TMEM131: variants seen among roughly 807,000 people sequenced by gnomAD.
TMEM131 encodes transmembrane protein 131, also known as 2610524E03Rik.
Under a neutral mutation model 211.6 loss-of-function variants are expected in TMEM131, and 66 were observed. The ratio of observed to expected loss-of-function variants is 0.31; its 90% CI spans 0.26 to 0.38. The LOEUF (loss-of-function observed/expected upper bound fraction) is 0.38, where lower values mean the gene tolerates loss of function less well. TMEM131 is among the 10% of genes least tolerant of loss of function. The pLI is 1.00. For missense variants in TMEM131, 2,036 were observed against 2,299.3 expected (o/e 0.89, Z 2.34); for synonymous variants, 844 against 841.3 (o/e 1.00, Z -0.06).
rs561498432 is a variant in TMEM131 at position 97,828,650 on chromosome 2, G to A, written c.1074+4715C>T. On this transcript the variant is annotated intron_variant, in intron 11 of 40. Transcript: ENST00000186436. ...GCAGTGACTCTCCAAAACTGCTGAG[G>A]CCTAGACCTCCTCACTGCTGAGAAA... Among the ~76,000 whole-genome samples the A allele has an allele frequency of 2.0e-5, 3 of 152,334 alleles. No individual in the cohort carries two copies. In the East Asian group the frequency reaches 5.8e-4, roughly 29 times the overall value.
intron 1 of TMEM131, among the ~76,000 whole-genome samples, chr2:97,984,193 A>G (rs980702619): frequency 6.6e-6 from 1 of 152,182 alleles, no homozygotes; most frequent in Non-Finnish European, 1.5e-5. Context: ...AATTATACCA[A>G]TTACATAATA....
intron 1 of TMEM131, among the ~76,000 whole-genome samples, chr2:97,938,009 C>T (rs1329047434): frequency 1.3e-5 from 2 of 152,160 alleles, no homozygotes; most frequent in African/African-American, 4.8e-5. Context: ...GCCTGCCTTA[C>T]AAGAGCTCCT....
At chr2:97,787,348 C>T (rs755343970) in intron 31 of TMEM131, among the ~76,000 whole-genome samples, 39 of 152,328 alleles carry the variant, frequency 2.6e-4, no homozygotes, top group Middle Eastern at 3.4e-3. Flanking sequence ...AGGGAAGTTT[C>T]AATCACTAGC....
intron 33 of TMEM131, among the ~76,000 whole-genome samples, chr2:97,771,419 A>G (rs1384695696): frequency 6.6e-6 from 1 of 152,156 alleles, no homozygotes; most frequent in Non-Finnish European, 1.5e-5. Context: ...CTCAAGTATG[A>G]TTCCCAGGAT....
At chr2:97,757,501 CT>C in intron 40 of TMEM131, 118 bp from the exon 41 acceptor site, 2 of 1,161,018 alleles carry the variant, frequency 1.7e-6, no homozygotes, top group Non-Finnish European at 2.4e-6. Flanking sequence ...ACTTTGTTTA[CT>C]TTAGAACAAA....
intron 5 of TMEM131, among the ~76,000 whole-genome samples, chr2:97,852,222 C>T (rs1264088528): frequency 4.8e-5 from 7 of 145,610 alleles, no homozygotes; most frequent in Non-Finnish European, 5.9e-5. Context: ...AGTGCAATGG[C>T]GTGGTCTTGG....
chr2:97,851,845 T>C (rs1230239169), intron 5 of TMEM131, among the ~76,000 whole-genome samples: 1 of 152,208 alleles, frequency 6.6e-6, no homozygotes, highest in Non-Finnish European at 1.5e-5. Context: ...ACAATAATAT[T>C]ACAATTAGGC....
chr2:97,804,737 C>T (rs140303155), intron 22 of TMEM131, among the ~76,000 whole-genome samples: 36 of 152,056 alleles, frequency 2.4e-4, no homozygotes, highest in African/African-American at 7.7e-4. Flanking sequence ...GTTTCCCTTG[C>T]CTTTAACAGA....
intron 32 of TMEM131, among the ~76,000 whole-genome samples, chr2:97,773,376 C>CA (rs1418562323): frequency 6.6e-6 from 1 of 152,190 alleles, no homozygotes; most frequent in Non-Finnish European, 1.5e-5. Context: ...AGACACACGA[C>CA]AGACGCCAGC....
intron 1 of TMEM131, among the ~76,000 whole-genome samples, chr2:97,941,617 C>T (rs867704300): frequency 6.6e-6 from 1 of 152,072 alleles, no homozygotes; most frequent in African/African-American, 2.4e-5. Context: ...AGAACTTAAA[C>T]GAATTTACAA....
chr2:97,794,555 T>C (rs988801307), intron 29 of TMEM131, among the ~76,000 whole-genome samples: 34 of 152,308 alleles, frequency 2.2e-4, no homozygotes, highest in East Asian at 7.7e-4. Context: ...AAGTAATATA[T>C]TGAGAACAGA....
At chr2:97,934,874 T>C (rs1677376592) in intron 1 of TMEM131, among the ~76,000 whole-genome samples, 1 of 152,084 alleles carries the variant, frequency 6.6e-6, no homozygotes, top group Non-Finnish European at 1.5e-5. Context: ...TAACTCAAAA[T>C]ACATCACTGC....
At chr2:97,922,112 C>T (rs1559449319) in intron 2 of TMEM131, among the ~76,000 whole-genome samples, 1 of 152,138 alleles carries the variant, frequency 6.6e-6, no homozygotes, top group Non-Finnish European at 1.5e-5. Context: ...TAATACTGTT[C>T]CACCTGAAAT....
chr2:97,869,624 C>T (rs575706402), intron 4 of TMEM131, among the ~76,000 whole-genome samples: 1 of 152,288 alleles, frequency 6.6e-6, no homozygotes, highest in South Asian at 2.1e-4. Flanking sequence ...CTGGGCAGTC[C>T]ACACCACAGG....
intron 1 of TMEM131, among the ~76,000 whole-genome samples, chr2:97,954,812 A>AC: frequency 6.6e-6 from 1 of 150,482 alleles, no homozygotes; most frequent in East Asian, 1.9e-4. Flanking sequence ...ATCTCAAAAA[A>AC]AAAAAAAAAA....
chr2:97,862,243 C>A (rs1375459654), intron 4 of TMEM131, among the ~76,000 whole-genome samples: 1 of 152,070 alleles, frequency 6.6e-6, no homozygotes, highest in Non-Finnish European at 1.5e-5. Flanking sequence ...TCTGGAAAGC[C>A]TACCCAAGAA....
intron 2 of TMEM131, among the ~76,000 whole-genome samples, chr2:97,927,119 C>T (rs1456250393): frequency 2.0e-5 from 3 of 152,146 alleles, no homozygotes; most frequent in African/African-American, 7.2e-5. Context: ...TGACTCTAGG[C>T]AAATACTATG....
At chr2:97,976,167 T>C (rs1679525338) in intron 1 of TMEM131, among the ~76,000 whole-genome samples, 1 of 152,186 alleles carries the variant, frequency 6.6e-6, no homozygotes, top group Non-Finnish European at 1.5e-5. Flanking sequence ...CCACTTTTAC[T>C]ACTTCTATTC....
intron 33 of TMEM131, among the ~76,000 whole-genome samples, chr2:97,770,572 A>C (rs1180340373): frequency 6.6e-6 from 1 of 152,228 alleles, no homozygotes; most frequent in African/African-American, 2.4e-5. Flanking sequence ...AAAGGTAATG[A>C]CACTCAAGCG....
Sources: gnomAD v4.1 joint callset for allele counts (sites outside exome capture counted in the v4.1 genomes callset) on GRCh38, gnomAD v4.1.1 for gene constraint, MANE v1.5 for transcripts, NCBI Gene and HGNC (gene_info 2026-07-23, HGNC 2026-07-21) for gene names.